CMIP: variants seen among roughly 807,000 people sequenced by gnomAD.
CMIP encodes c-Maf inducing protein.
Under a neutral mutation model 97.3 loss-of-function variants are expected in CMIP, and 13 were observed. The ratio of observed to expected loss-of-function variants is 0.13; its 90% CI spans 0.09 to 0.21. The LOEUF (loss-of-function observed/expected upper bound fraction) is 0.21, where lower values mean the gene tolerates loss of function less well. Ranked by LOEUF, CMIP falls within the 10% of genes least tolerant of loss-of-function variation. The pLI, the probability that CMIP is intolerant of heterozygous loss-of-function variation, is 1.00. For missense variants in CMIP, 847 were observed against 1,024.9 expected (o/e 0.83, Z 2.37); for synonymous variants, 538 against 436.3 (o/e 1.23, Z -2.91).
intron 10 of CMIP, among the ~76,000 whole-genome samples, chr16:81,683,871 C>T (rs1261251031): frequency 6.8e-6 from 1 of 146,146 alleles, no homozygotes; most frequent in Non-Finnish European, 1.5e-5. Context: ...AAGCCATTCT[C>T]CTGCCTCAGC....
At chr16:81,528,782 T>A (rs1363459547) in intron 1 of CMIP, among the ~76,000 whole-genome samples, 1 of 152,188 alleles carries the variant, frequency 6.6e-6, no homozygotes, top group Admixed American at 6.5e-5. Flanking sequence ...TAGAGCATGG[T>A]CCTAATTCAT....
chr16:81,457,707 C>CG (rs1345017520), intron 1 of CMIP, among the ~76,000 whole-genome samples: 1 of 152,218 alleles, frequency 6.6e-6, no homozygotes, highest in African/African-American at 2.4e-5. Flanking sequence ...AGGGGCTGCC[C>CG]GGGCTGGCAT....
In CMIP at chr16:81,652,911, A is replaced by G. The variant is rs561957149; in HGVS notation, c.639+547A>G. On this transcript the variant is annotated intron_variant, in intron 4 of 20. Transcript: ENST00000537098. The surrounding 1 kb of genome is among the most constrained non-coding windows in gnomAD (Gnocchi z 5.2). ...CTTTGCTGGCCTCCTCGCATATTGA[A>G]TGTGTGCTTTGTGCCAGGCACCATC... Among the ~76,000 whole-genome samples the G allele has an allele frequency of 6.6e-6, 1 of 152,090 alleles. No individual in the cohort carries two copies. The highest frequency in any genetic ancestry group is 1.9e-4 in the East Asian group (1 of 5,156).
intron 1 of CMIP, among the ~76,000 whole-genome samples, chr16:81,604,197 C>G (rs1017959516): frequency 7.3e-5 from 11 of 151,118 alleles, no homozygotes; most frequent in African/African-American, 2.7e-4. Flanking sequence ...AGTTCGAGAC[C>G]AGCCTGGCCA....
chr16:81,510,203 C>T (rs1198873457), intron 1 of CMIP, among the ~76,000 whole-genome samples: 1 of 152,148 alleles, frequency 6.6e-6, no homozygotes, highest in Non-Finnish European at 1.5e-5. Flanking sequence ...TTCTCAAGGT[C>T]TGATCGGGGA....
intron 3 of CMIP, among the ~76,000 whole-genome samples, chr16:81,624,809 C>G (rs1178619098): frequency 6.6e-6 from 1 of 152,166 alleles, no homozygotes; most frequent in East Asian, 1.9e-4. Context: ...GAATTGACCT[C>G]AAATTGTTTT....
chr16:81,671,992 C>T lies in CMIP; in HGVS notation c.956C>T (p.Pro319Leu). The T allele has an allele frequency of 6.3e-7, 1 of 1,598,388 alleles. No homozygotes were observed. Among genetic ancestry groups the T allele is most frequent in the Non-Finnish European group, 8.5e-7 (1 of 1,171,660 alleles). The change falls in exon 9 of 21, where the codon CCC becomes CTC. Residue 319 changes from proline to leucine, a missense_variant. Pro to Leu is a moderately conservative substitution (Grantham distance 98). Coordinates refer to ENST00000537098, the MANE Select transcript of CMIP (RefSeq NM_198390.3). ...ATGCACGGCCCCACAGGGCACTGCC[C>T]CCACCCCCGGGTCCTGCCCAACCTG... is the stretch of plus-strand genomic sequence containing the variant. The part of the protein sequence containing the change: ...QSMHGPTGHC[P>L]HPRVLPNLVA...
chr16:81,678,757 G>C (rs1417384490), intron 10 of CMIP, 129 bp downstream of exon 10: 1 of 602,942 alleles, frequency 1.7e-6, no homozygotes, highest in African/African-American at 1.9e-5. Flanking sequence ...TTGTGTGTGA[G>C]TGCACACGAG....
intron 9 of CMIP, among the ~76,000 whole-genome samples, chr16:81,676,080 G>A (rs893406623): frequency 6.6e-6 from 1 of 152,212 alleles, no homozygotes; most frequent in African/African-American, 2.4e-5. Context: ...GGAGTAGGGG[G>A]CAGGCGTGAC....
intron 1 of CMIP, among the ~76,000 whole-genome samples, chr16:81,598,681 G>A (rs1261340794): frequency 6.6e-6 from 1 of 152,120 alleles, no homozygotes; most frequent in Non-Finnish European, 1.5e-5. Flanking sequence ...GAGCAGTAAC[G>A]TTCGGCTGGG....
chr16:81,680,683 G>C (rs1904785532), intron 10 of CMIP, among the ~76,000 whole-genome samples: 1 of 152,244 alleles, frequency 6.6e-6, no homozygotes, highest in African/African-American at 2.4e-5. Context: ...ACAGCCCTGA[G>C]TGTCTTCAAG....
At position 81,444,955 on chromosome 16, in the gene CMIP, C is replaced by T. The variant is rs1222602966; in HGVS notation, c.-287C>T. Among the ~76,000 whole-genome samples the T allele has an allele frequency of 1.3e-4, 19 of 141,850 alleles. No individual in the cohort carries two copies. The highest frequency in any genetic ancestry group is 6.5e-4 in the South Asian group (3 of 4,612). 93.1% of individuals were successfully genotyped at this position (141,850 alleles called of 152,430 possible). A position where few individuals can be genotyped will look rare whatever the true frequency, so the allele number is the denominator to read the frequency against. On this transcript the variant is annotated 5_prime_UTR_variant, in exon 1 of 21. Transcript: ENST00000537098. ...GCCCCGGCCCGCCCTCGGCCTCCCC[C>T]GCCCCTCCCCGTCGCCCGCCGAGCC... is the stretch of plus-strand genomic sequence containing the variant.
intron 3 of CMIP, among the ~76,000 whole-genome samples, chr16:81,633,782 T>G (rs2092197611): frequency 6.6e-6 from 1 of 152,138 alleles, no homozygotes; most frequent in East Asian, 1.9e-4. Flanking sequence ...ACCATTCCCT[T>G]TGGAAAACTG....
At chr16:81,664,175 A>G in intron 6 of CMIP, 94 bp from the exon 7 acceptor site, 1 of 1,227,920 alleles carries the variant, frequency 8.1e-7, no homozygotes, top group Non-Finnish European at 1.1e-6. Context: ...AGGCACCCAC[A>G]GCTGGGCTGA....
intron 3 of CMIP, among the ~76,000 whole-genome samples, chr16:81,638,132 A>G (rs989930738): frequency 3.9e-5 from 6 of 152,258 alleles, no homozygotes; most frequent in Middle Eastern, 3.4e-3. Context: ...GTCTGCCTCC[A>G]TGGTCACATG....
intron 1 of CMIP, among the ~76,000 whole-genome samples, chr16:81,570,465 T>C (rs1031941502): frequency 6.6e-6 from 1 of 152,142 alleles, no homozygotes; most frequent in African/African-American, 2.4e-5. Flanking sequence ...CGGTGTATTT[T>C]TTTAGTCTAT....
intron 1 of CMIP, among the ~76,000 whole-genome samples, chr16:81,585,305 T>G (rs1567594607): frequency 6.6e-6 from 1 of 152,232 alleles, no homozygotes; most frequent in Non-Finnish European, 1.5e-5. Flanking sequence ...TGTGCCATTG[T>G]ACTCCAGCCT....
At position 81,704,089 on chromosome 16, in the gene CMIP, C is replaced by T. The variant is rs560316334; in HGVS notation, c.2091+4C>T. On this transcript the variant is annotated splice_donor_region_variant and intron_variant, in intron 18 of 20. Coordinates refer to ENST00000537098, the MANE Select transcript of CMIP (RefSeq NM_198390.3). ...GCTGAACCTGTGGTCCACTCAGGTA[C>T]GTCCTCCCGCCCTGCTGCAGTCCCC... 53 of 1,601,986 alleles carry T rather than the reference C, an allele frequency of 3.3e-5. No individual in the cohort carries two copies. Among genetic ancestry groups the T allele is most frequent in the Middle Eastern group, 1.7e-4 (1 of 6,050 alleles).
chr16:81,656,816 T>G (rs4889358), intron 4 of CMIP, among the ~76,000 whole-genome samples: 43,610 of 151,882 alleles, frequency 0.29, 7,488 homozygotes, highest in Middle Eastern at 0.48. Flanking sequence ...GAGACGGGGT[T>G]TCACCATGTT....
Sources: gnomAD v4.1 joint callset for allele counts (sites outside exome capture counted in the v4.1 genomes callset) on GRCh38, gnomAD v4.1.1 for gene constraint, Gnocchi (gnomAD v3.1) non-coding constraint, MANE v1.5 for transcripts, NCBI Gene and HGNC (gene_info 2026-07-23, HGNC 2026-07-21) for gene names.